NFIB: variants seen among roughly 807,000 people sequenced by gnomAD.
NFIB encodes nuclear factor I B, also known as nuclear factor 1 B-type.
NFIB carries 11 observed loss-of-function variants against 61.5 expected under a neutral mutation model. The observed-to-expected ratio is 0.18, with a 90% CI of 0.11 to 0.30. The LOEUF is 0.30. NFIB is among the 10% of genes least tolerant of loss of function. The pLI, the probability that NFIB is intolerant of heterozygous loss-of-function variation, is 1.00. For missense variants in NFIB, 471 were observed against 608.9 expected, an observed-to-expected ratio of 0.77 and a Z score of 2.38; for synonymous variants, 260 against 216.5, an observed-to-expected ratio of 1.20 and a Z score of -1.76.
At chr9:14,388,461 AAGAAAAAGAGAGAGAGAG>A (rs2061580469) in intron 1 of NFIB, among the ~76,000 whole-genome samples, 1 of 147,868 alleles carries the variant, frequency 6.8e-6, no homozygotes, top group African/African-American at 2.5e-5. Context: ...AAAAGAGAGA[AAGAAAAAGAGAGAGAGAG>A]AGAGAAAGAG....
chr9:14,301,005 T>G (rs886632499), intron 2 of NFIB, among the ~76,000 whole-genome samples: 9 of 152,244 alleles, frequency 5.9e-5, no homozygotes, highest in African/African-American at 2.2e-4. Flanking sequence ...AGCTTCTTCC[T>G]AAATTCCAAA....
intron 1 of NFIB, among the ~76,000 whole-genome samples, chr9:14,359,933 G>A (rs1298535009): frequency 2.6e-5 from 4 of 152,136 alleles, no homozygotes; most frequent in African/African-American, 9.7e-5. Context: ...TCTACCACTA[G>A]ATTTTTAAAT....
At chr9:14,191,003 G>A (rs1268511439) in intron 2 of NFIB, among the ~76,000 whole-genome samples, 1 of 152,110 alleles carries the variant, frequency 6.6e-6, no homozygotes. Context: ...GACCAGCCTG[G>A]CCAACATAAT....
At chr9:14,438,880 A>T in the NFIB span, among the ~76,000 whole-genome samples, 1 of 152,188 alleles carries the variant, frequency 6.6e-6, no homozygotes, top group African/African-American at 2.4e-5. Context: ...CCCGAGGAAG[A>T]GGGACATGGG....
At chr9:14,366,975 A>G (rs1355093460) in intron 1 of NFIB, among the ~76,000 whole-genome samples, 2 of 152,110 alleles carry the variant, frequency 1.3e-5, no homozygotes, top group African/African-American at 4.8e-5. Flanking sequence ...CAGAATCAAC[A>G]AGAGTTTTGG....
chr9:14,252,539 A>G (rs1225668604), intron 2 of NFIB, among the ~76,000 whole-genome samples: 1 of 152,172 alleles, frequency 6.6e-6, no homozygotes, highest in African/African-American at 2.4e-5. Context: ...ATTTGTTAAA[A>G]AAAACAGAAA....
chr9:14,488,187 G>C, the NFIB span, among the ~76,000 whole-genome samples: 1 of 151,974 alleles, frequency 6.6e-6, no homozygotes, highest in African/African-American at 2.4e-5. Context: ...AACATAATGA[G>C]ACTCCATCTT....
intron 2 of NFIB, among the ~76,000 whole-genome samples, chr9:14,231,332 G>A (rs2053171272): frequency 6.6e-6 from 1 of 151,634 alleles, no homozygotes; most frequent in African/African-American, 2.4e-5. Flanking sequence ...GAAAGGCAGA[G>A]AGAGGGAGAG....
At chr9:14,432,816 G>A in the NFIB span, among the ~76,000 whole-genome samples, 1 of 152,176 alleles carries the variant, frequency 6.6e-6, no homozygotes, top group African/African-American at 2.4e-5. Flanking sequence ...ATAATGCTAT[G>A]AGGCCAATAT....
At chr9:14,245,571 A>T (rs1426315971) in intron 2 of NFIB, among the ~76,000 whole-genome samples, 3 of 152,132 alleles carry the variant, frequency 2.0e-5, no homozygotes, top group Non-Finnish European at 4.4e-5. Flanking sequence ...AATGTCATAC[A>T]AGCAATAATA....
At chr9:14,382,563 A>C (rs1334283446) in intron 1 of NFIB, among the ~76,000 whole-genome samples, 1 of 152,064 alleles carries the variant, frequency 6.6e-6, no homozygotes, top group African/African-American at 2.4e-5. Context: ...TGGAACTACC[A>C]TTTTGGAAAA....
chr9:14,427,287 T>A, the NFIB span, among the ~76,000 whole-genome samples: 6 of 152,220 alleles, frequency 3.9e-5, no homozygotes, highest in South Asian at 2.1e-4. Context: ...ATAATAATAA[T>A]ACTCATAGTG....
At chr9:14,174,134 T>C (rs1329625937) in intron 3 of NFIB, among the ~76,000 whole-genome samples, 1 of 151,958 alleles carries the variant, frequency 6.6e-6, no homozygotes, top group African/African-American at 2.4e-5. Context: ...TCCAAACAAG[T>C]TAGAGGATAA....
intron 2 of NFIB, chr9:14,204,608 A>C (rs1174772720): frequency 2.3e-6 from 2 of 876,506 alleles, no homozygotes; most frequent in Non-Finnish European, 3.7e-6. Flanking sequence ...GGCGGAGAAG[A>C]AAGCGCCGGC....
chr9:14,112,856 A>C, intron 10 of NFIB, 143 bp downstream of exon 10: 1 of 680,386 alleles, frequency 1.5e-6, no homozygotes, highest in Non-Finnish European at 2.4e-6. Flanking sequence ...ATCAATGAGA[A>C]AAAATTCTGG....
chr9:14,330,399 G>A (rs1438527334), intron 1 of NFIB, among the ~76,000 whole-genome samples: 5 of 152,090 alleles, frequency 3.3e-5, no homozygotes, highest in African/African-American at 1.2e-4. Flanking sequence ...CACTAAATCA[G>A]AACACATGGT....
At chr9:14,090,205 T>C (rs893011126) in intron 10 of NFIB, among the ~76,000 whole-genome samples, 3 of 152,102 alleles carry the variant, frequency 2.0e-5, no homozygotes, top group African/African-American at 7.2e-5. Flanking sequence ...TTAACAAAAA[T>C]TGATTAAGCA....
At chr9:14,343,687 A>T (rs1304535257) in intron 1 of NFIB, among the ~76,000 whole-genome samples, 1 of 152,096 alleles carries the variant, frequency 6.6e-6, no homozygotes, top group African/African-American at 2.4e-5. Flanking sequence ...GGAGAAGGGA[A>T]AAGGAAGAAA....
chr9:14,412,760 T>C, the NFIB span, among the ~76,000 whole-genome samples: 1 of 152,132 alleles, frequency 6.6e-6, no homozygotes, highest in Non-Finnish European at 1.5e-5. Flanking sequence ...GCTCAGGGCA[T>C]GGGATACGTA....
Sources: gnomAD v4.1 joint callset for allele counts (sites outside exome capture counted in the v4.1 genomes callset) on GRCh38, gnomAD v4.1.1 for gene constraint, MANE v1.5 for transcripts, NCBI Gene and HGNC (gene_info 2026-07-23, HGNC 2026-07-21) for gene names.